The following KCNA6 variants were observed in gnomAD, a reference collection of about 807,000 sequenced individuals.
KCNA6 encodes the protein potassium voltage-gated channel subfamily A member 6, also known as human brain potassium channel-2.
Under a neutral mutation model 29.5 loss-of-function variants are expected in KCNA6, and 17 were observed. The ratio of observed to expected loss-of-function variants is 0.58; its 90% confidence interval spans 0.39 to 0.86. The LOEUF (loss-of-function observed/expected upper bound fraction) is 0.86, where lower values mean the gene tolerates loss of function less well. Among genes scored for constraint, KCNA6 ranks in the 40% least tolerant of loss-of-function variants. The pLI, the probability that KCNA6 is intolerant of heterozygous loss-of-function variation, is 0.00. For missense variants in KCNA6, 450 were observed against 703.4 expected, an observed-to-expected ratio of 0.64 and a Z score of 4.07; for synonymous variants, 296 against 304.7, an observed-to-expected ratio of 0.97 and a Z score of 0.30.
the KCNA6 span, among the ~76,000 whole-genome samples, chr12:4,830,636 T>C: frequency 6.6e-6 from 1 of 152,252 alleles, no homozygotes; most frequent in Non-Finnish European, 1.5e-5. Context: ...CGAGGACTTT[T>C]GTTTCTCTTT....
At chr12:4,822,347 G>C in the KCNA6 span, among the ~76,000 whole-genome samples, 1 of 152,180 alleles carries the variant, frequency 6.6e-6, no homozygotes, top group Non-Finnish European at 1.5e-5. Flanking sequence ...TTTCATCTAA[G>C]TGGCTCAGAA....
chr12:4,841,369 G>GT, the KCNA6 span, among the ~76,000 whole-genome samples: 1 of 152,040 alleles, frequency 6.6e-6, no homozygotes, highest in South Asian at 2.1e-4. Flanking sequence ...ATTTTTGGCA[G>GT]TTTTTTTGTC....
chr12:4,846,433 C>T, the KCNA6 span, among the ~76,000 whole-genome samples: 1 of 152,202 alleles, frequency 6.6e-6, no homozygotes, highest in Non-Finnish European at 1.5e-5. Flanking sequence ...GTTCAGTGTT[C>T]ATCCTACTTT....
Position 4,813,136 on chromosome 12 carries a change from A to T in KCNA6, c.*1505A>T, listed in dbSNP as rs184169074. ...ACTCTTTGATGATAATTTTTTTTTT[A>T]AAAATTATTCTCTCGAAGAGCAACT... On this transcript the variant is annotated 3_prime_UTR_variant, in exon 1 of 1. Coordinates refer to ENST00000280684, the Ensembl canonical transcript of KCNA6. 586 of 144,690 alleles carry T rather than the reference A, an allele frequency of 4.1e-3. 4 individuals are homozygous for T. Among genetic ancestry groups the T allele is most frequent in the East Asian group, 0.014 (63 of 4,642 alleles). The allele number at this position is 144,690 out of a possible 1,614,324, so 9.0% of individuals were successfully genotyped here.
the KCNA6 span, among the ~76,000 whole-genome samples, chr12:4,823,858 A>G: frequency 6.6e-6 from 1 of 152,222 alleles, no homozygotes. Context: ...ACTGTAAGTG[A>G]TGCATTTGCA....
At chr12:4,846,767 T>C in the KCNA6 span, among the ~76,000 whole-genome samples, 2 of 39,406 alleles carry the variant, frequency 5.1e-5, no homozygotes, top group Non-Finnish European at 1.1e-4. Flanking sequence ...GAACACCTCT[T>C]TTTTTTTTTT....
At chr12:4,816,287 TGTGTGTG>T (rs2137582310), downstream of KCNA6, among the ~76,000 whole-genome samples, 1 of 151,760 alleles carries the variant, frequency 6.6e-6, no homozygotes, top group Admixed American at 6.6e-5. Context: ...TGTGTGTGTG[TGTGTGTG>T]TGTCTGTGTG....
chr12:4,810,557 G>A lies in KCNA6; in HGVS notation c.516G>A (p.Pro172=), dbSNP rs758711143. Reference sequence around the variant, plus strand: ...TTGAGTACCCAGAGAGCTCTGGGCCGGCCAGGGGCATCGCCATCGTCTCCG... The same window carrying A: ...TTGAGTACCCAGAGAGCTCTGGGCCAGCCAGGGGCATCGCCATCGTCTCCG... Residue 172 remains proline, a synonymous_variant, in exon 1 of 1, where the codon CCG becomes CCA. Transcript: ENST00000280684. The surrounding 1 kb of genome is among the most constrained non-coding windows in gnomAD (Gnocchi z 7.5). 5 of 1,614,166 alleles carry A rather than the reference G, an allele frequency of 3.1e-6. No individual in the cohort carries two copies. Among genetic ancestry groups the A allele is most frequent in the Non-Finnish European group, 4.2e-6 (5 of 1,180,034 alleles).
At chr12:4,847,769 C>T in the KCNA6 span, among the ~76,000 whole-genome samples, 1 of 152,154 alleles carries the variant, frequency 6.6e-6, no homozygotes, top group African/African-American at 2.4e-5. Context: ...TGTTCATTTT[C>T]ATGAGTGAAA....
At chr12:4,839,665 A>G in the KCNA6 span, among the ~76,000 whole-genome samples, 1 of 152,240 alleles carries the variant, frequency 6.6e-6, no homozygotes, top group Non-Finnish European at 1.5e-5. Context: ...AGGAAACAAA[A>G]GCCACCTTGT....
chr12:4,815,316 T>A (rs1946671810), downstream of KCNA6, among the ~76,000 whole-genome samples: 1 of 152,214 alleles, frequency 6.6e-6, no homozygotes, highest in Non-Finnish European at 1.5e-5. Context: ...CACTCTGCCA[T>A]TCTTTCCTAC....
the KCNA6 span, among the ~76,000 whole-genome samples, chr12:4,822,309 C>T: frequency 1.1e-4 from 17 of 152,158 alleles, no homozygotes; most frequent in East Asian, 1.9e-4. Flanking sequence ...CTGGTGCTTG[C>T]GGCCATACTC....
the KCNA6 span, among the ~76,000 whole-genome samples, chr12:4,821,824 G>T: frequency 6.6e-6 from 1 of 152,102 alleles, no homozygotes; most frequent in Non-Finnish European, 1.5e-5. Context: ...TGCTGCTGAG[G>T]CTGGGCCGTC....
Position 4,811,247 on chromosome 12 carries a change from C to A in KCNA6, c.1206C>A (p.Asp402Glu). ...TCTACTTCGCAGAGGCTGACGATGA[C>A]GATTCGCTTTTTCCCAGCATCCCGG... The change falls in exon 1 of 1, where the codon GAC becomes GAA. Residue 402 changes from aspartate to glutamate, a missense_variant. Asp to Glu is a conservative substitution (Grantham distance 45). This residue lies in a region of KCNA6 where 57 missense variants were observed against 140.3 expected (regional missense o/e 0.41). Coordinates refer to ENST00000280684, the Ensembl canonical transcript of KCNA6. The surrounding 1 kb of genome is among the most constrained non-coding windows in gnomAD (Gnocchi z 7.1). The A allele has an allele frequency of 6.2e-7, 1 of 1,614,238 alleles. No homozygotes were observed. The highest frequency in any genetic ancestry group is 8.5e-7 in the Non-Finnish European group (1 of 1,180,040).
At chr12:4,812,988 T>TAGG (rs1274620332) in exon 1 of KCNA6, 1 of 167,154 alleles carries the variant, frequency 6.0e-6, no homozygotes, top group Admixed American at 6.5e-5. Flanking sequence ...TGTTTCTCAG[T>TAGG]AACATTGCCA....
the KCNA6 span, among the ~76,000 whole-genome samples, chr12:4,823,027 T>C: frequency 6.6e-6 from 1 of 152,210 alleles, no homozygotes; most frequent in African/African-American, 2.4e-5. Context: ...TTTTAAGCTT[T>C]ATATGTACCC....
chr12:4,831,485 G>A, the KCNA6 span, among the ~76,000 whole-genome samples: 1 of 152,114 alleles, frequency 6.6e-6, no homozygotes, highest in Non-Finnish European at 1.5e-5. Context: ...AAAACGTTCT[G>A]GTTCAGTCTG....
At position 4,811,230 on chromosome 12, in the gene KCNA6, G is replaced by T; in HGVS notation, c.1189G>T (p.Ala397Ser). ...CCTCTTCTCCAGTGCCGTCTACTTC[G>T]CAGAGGCTGACGATGACGATTCGCT... The change falls in exon 1 of 1, where the codon GCA becomes TCA. Residue 397 changes from alanine to serine, a missense_variant. Ala to Ser is a moderately conservative substitution (Grantham distance 99). Around this residue, in one of 7 missense-constraint regions of KCNA6, gnomAD observed 57 missense variants for 140.3 expected, o/e 0.41. Coordinates refer to ENST00000280684, the Ensembl canonical transcript of KCNA6. This position sits in a 1 kb window ranked among gnomAD's most constrained non-coding sequence, Gnocchi z 7.1. 6.2e-7 allele frequency: 1 copy of T among 1,614,238 alleles called. No homozygotes were observed. The highest frequency in any genetic ancestry group is 8.5e-7 in the Non-Finnish European group (1 of 1,180,040).
chr12:4,817,806 C>T (rs80240869), downstream of KCNA6, among the ~76,000 whole-genome samples: 320 of 152,326 alleles, frequency 2.1e-3, 2 homozygotes, highest in African/African-American at 7.5e-3. Flanking sequence ...GAATTCCTCA[C>T]TCCTCGGTCA....
Sources: allele counts gnomAD v4.1 joint callset (sites outside exome capture counted in the v4.1 genomes callset), GRCh38; gene constraint gnomAD v4.1.1; regional missense constraint gnomAD v4.1.1; non-coding constraint Gnocchi (gnomAD v3.1); transcripts MANE v1.5; gene names NCBI Gene and HGNC (gene_info 2026-07-23, HGNC 2026-07-21).